CELF4: variants seen among roughly 807,000 people sequenced by gnomAD.
CELF4 encodes the protein CUGBP Elav-like family member 4.
In CELF4, 18 loss-of-function variants were observed where a neutral mutation model predicts 59.9. That is an observed-to-expected ratio of 0.30 (90% CI 0.21 to 0.45). CELF4 has a LOEUF of 0.45. CELF4 is among the 20% of genes least tolerant of loss of function. The probability of loss-of-function intolerance (pLI) is 1.00; values close to 1 mark genes in which losing one functional copy is unlikely to be tolerated. For synonymous variants in CELF4, 261 were observed against 267.1 expected (o/e 0.98, Z 0.22); for missense variants, 456 against 689.0 (o/e 0.66, Z 3.79).
At chr18:37,482,929 T>C (rs2099872259) in intron 2 of CELF4, among the ~76,000 whole-genome samples, 1 of 152,240 alleles carries the variant, frequency 6.6e-6, no homozygotes, top group Non-Finnish European at 1.5e-5. Context: ...GAAAAGTGCC[T>C]AAATTGCTGA....
intron 2 of CELF4, among the ~76,000 whole-genome samples, chr18:37,456,759 C>T (rs1034305371): frequency 2.0e-5 from 3 of 152,172 alleles, no homozygotes; most frequent in African/African-American, 7.2e-5. Context: ...GGGGCCTATT[C>T]CTGATGCACT....
intron 11 of CELF4, among the ~76,000 whole-genome samples, chr18:37,256,143 A>G (rs897015274): frequency 6.6e-6 from 1 of 152,192 alleles, no homozygotes; most frequent in Non-Finnish European, 1.5e-5. Context: ...TCCTTCTTCC[A>G]GAGCTACCTC....
intron 2 of CELF4, among the ~76,000 whole-genome samples, chr18:37,454,729 A>G (rs2099773390): frequency 6.6e-6 from 1 of 152,240 alleles, no homozygotes; most frequent in Admixed American, 6.5e-5. Context: ...TTAATTAACT[A>G]TCTCCACTGG....
chr18:37,458,978 T>C (rs2099786258), intron 2 of CELF4, among the ~76,000 whole-genome samples: 2 of 152,246 alleles, frequency 1.3e-5, no homozygotes, highest in South Asian at 4.1e-4. Context: ...TGTTGCTATC[T>C]GGAGAGCTTG....
At chr18:37,280,514 C>G (rs1039589189) in intron 3 of CELF4, among the ~76,000 whole-genome samples, 1 of 152,172 alleles carries the variant, frequency 6.6e-6, no homozygotes, top group Admixed American at 6.5e-5. Context: ...GAACAAAGGC[C>G]TGATAGATAC....
At chr18:37,390,811 G>GGC (rs2099152619) in intron 2 of CELF4, among the ~76,000 whole-genome samples, 2 of 137,524 alleles carry the variant, frequency 1.5e-5, no homozygotes, top group Non-Finnish European at 3.1e-5. Context: ...GCGGGGAGGG[G>GGC]GGGCAGTGCT....
At chr18:37,255,586 TC>T in intron 11 of CELF4, among the ~76,000 whole-genome samples, 1 of 151,338 alleles carries the variant, frequency 6.6e-6, no homozygotes, top group South Asian at 2.1e-4. Flanking sequence ...TCCTGGCCCG[TC>T]CCCACCTCCG....
At chr18:37,448,229 C>T (rs890868655) in intron 2 of CELF4, among the ~76,000 whole-genome samples, 2 of 152,222 alleles carry the variant, frequency 1.3e-5, no homozygotes, top group African/African-American at 4.8e-5. Context: ...GGCCTTGAGG[C>T]TTGTGCATGA....
At chr18:37,337,829 G>C (rs1349403984) in intron 2 of CELF4, among the ~76,000 whole-genome samples, 1 of 152,190 alleles carries the variant, frequency 6.6e-6, no homozygotes, top group East Asian at 1.9e-4. Context: ...CCAGGGACAG[G>C]ATTCTTGGTT....
At chr18:37,265,228 C>T (rs1055807869) in intron 9 of CELF4, among the ~76,000 whole-genome samples, 13 of 151,570 alleles carry the variant, frequency 8.6e-5, no homozygotes, top group African/African-American at 2.4e-4. Flanking sequence ...TACGTGTGTG[C>T]GCGCACGTGC....
chr18:37,369,041 G>C (rs1321965138), intron 2 of CELF4, among the ~76,000 whole-genome samples: 1 of 152,174 alleles, frequency 6.6e-6, no homozygotes, highest in African/African-American at 2.4e-5. Flanking sequence ...TTCCAGAATG[G>C]GGAGGGGAGG....
intron 2 of CELF4, among the ~76,000 whole-genome samples, chr18:37,365,477 G>A (rs1394921674): frequency 2.4e-5 from 3 of 125,148 alleles, no homozygotes; most frequent in African/African-American, 9.1e-5. Context: ...AGGCGGATGG[G>A]GCAATTTTTT....
chr18:37,391,815 A>G (rs1285986993), intron 2 of CELF4, among the ~76,000 whole-genome samples: 2 of 152,244 alleles, frequency 1.3e-5, no homozygotes, highest in Non-Finnish European at 2.9e-5. Flanking sequence ...CAAGAGAGGC[A>G]CAGCTAGGAT....
chr18:37,416,231 TATCCATCC>T (rs72120429), intron 2 of CELF4, among the ~76,000 whole-genome samples: 1 of 151,432 alleles, frequency 6.6e-6, no homozygotes, highest in Non-Finnish European at 1.5e-5. Flanking sequence ...TCCATTCATC[TATCCATCC>T]ATCCATCCAT....
In CELF4 at chr18:37,545,631, CTCGCTGGTCGAGTCTGAG is replaced by C. The variant is rs572751920; in HGVS notation, c.286+19707_286+19724del. On this transcript the variant is annotated intron_variant, in intron 1 of 12. Coordinates refer to ENST00000420428, the MANE Select transcript of CELF4 (RefSeq NM_020180.4). The stretch of plus-strand genomic sequence containing the variant: ...GTTGCTTCCAAGTGCTGCCTCTGGC[CTCGCTGGTCGAGTCTGAG>C]CACCATCTGCTCAAGCCTGGATGGA... Among the ~76,000 whole-genome samples, 70 of 152,286 alleles carry C rather than the reference CTCGCTGGTCGAGTCTGAG, an allele frequency of 4.6e-4. No individual in the cohort carries two copies. In the East Asian group the frequency reaches 0.013, roughly 27 times the overall value.
intron 2 of CELF4, among the ~76,000 whole-genome samples, chr18:37,367,218 G>A (rs899360346): frequency 6.6e-6 from 1 of 152,110 alleles, no homozygotes; most frequent in Non-Finnish European, 1.5e-5. Context: ...GTGGCTACCT[G>A]GAGGAGGTGT....
chr18:37,296,182 G>T (rs1434320774), intron 3 of CELF4, among the ~76,000 whole-genome samples: 2 of 152,154 alleles, frequency 1.3e-5, no homozygotes, highest in Non-Finnish European at 2.9e-5. Context: ...TTGAGACAGG[G>T]TCTGGCCCTG....
chr18:37,275,699 T>G (rs1047809798), intron 3 of CELF4: 2 of 175,336 alleles, frequency 1.1e-5, no homozygotes, highest in Non-Finnish European at 2.4e-5. Context: ...GCAGATGCTG[T>G]TCCCCTGCCT....
intron 2 of CELF4, among the ~76,000 whole-genome samples, chr18:37,454,815 C>T (rs1377330696): frequency 3.9e-5 from 6 of 152,152 alleles, no homozygotes; most frequent in Non-Finnish European, 8.8e-5. Context: ...CAACTAAACA[C>T]ATTGTTTTCA....
Sources: allele counts gnomAD v4.1 joint callset (sites outside exome capture counted in the v4.1 genomes callset), GRCh38; gene constraint gnomAD v4.1.1; transcripts MANE v1.5; gene names NCBI Gene and HGNC (gene_info 2026-07-23, HGNC 2026-07-21).